Variants in BTNL3 observed in about 807,000 individuals in gnomAD.
BTNL3 encodes butyrophilin like 3, also known as butyrophilin-like protein 3.
Under a neutral mutation model 40.1 loss-of-function variants are expected in BTNL3, and 20 were observed. The observed-to-expected ratio is 0.50, with a 90% confidence interval of 0.35 to 0.72. The LOEUF (loss-of-function observed/expected upper bound fraction) is 0.72. Among genes scored for constraint, BTNL3 ranks in the 30% least tolerant of loss-of-function variants. The probability of loss-of-function intolerance (pLI) is 0.01; values close to 1 mark genes in which losing one functional copy is unlikely to be tolerated. For missense variants in BTNL3, 449 were observed against 582.2 expected (o/e 0.77, Z 2.35); for synonymous variants, 179 against 222.1 (o/e 0.81, Z 1.73).
At position 180,992,889 on chromosome 5, in the gene BTNL3, C is replaced by T; in HGVS notation, c.126C>T (p.Leu42=). The change falls in exon 2 of 8, where the codon CTC becomes CTT. Residue 42 remains leucine (L), a synonymous_variant. Transcript: ENST00000342868. ...AGGACGCCGTGTTCTCCTGCTCCCT[C>T]TTTCCTGAGACCAGTGCAGAGGCTA... ...VGEDAVFSCS[L]FPETSAEAME... 3 of 1,463,456 alleles carry T rather than the reference C, an allele frequency of 2.0e-6. 1 individual carries two copies. The highest frequency in any genetic ancestry group is 2.8e-6 in the Non-Finnish European group (3 of 1,059,000). The allele number at this position is 1,463,456 out of a possible 1,614,324, so 90.7% of individuals were successfully genotyped here. A position where few individuals can be genotyped will look rare whatever the true frequency, so the allele number is the denominator to read the frequency against.
intron 5 of BTNL3, 47 bp downstream of exon 5, chr5:181,003,923 C>T: frequency 1.2e-6 from 2 of 1,613,840 alleles, no homozygotes; most frequent in South Asian, 1.1e-5. Context: ...TCCCGGGTCC[C>T]TCCCTGATCC....
At chr5:181,002,408 T>A (rs1760131879) in intron 3 of BTNL3, among the ~76,000 whole-genome samples, 1 of 91,102 alleles carries the variant, frequency 1.1e-5, no homozygotes, top group Admixed American at 1.3e-4. Flanking sequence ...ATATATGAAA[T>A]CCAGATGGAT....
Position 181,005,884 on chromosome 5 carries a change from C to G in BTNL3, c.*12C>G. The G allele has an allele frequency of 6.3e-7, 1 of 1,576,844 alleles. No individual in the cohort carries two copies. Among genetic ancestry groups the G allele is most frequent in the South Asian group, 1.2e-5 (1 of 83,136 alleles). ...TGTCCTGGGGATGAGACAGAGAAGA[C>G]CCTGCTTAAAGGGCCCCACACCACA... On this transcript the variant is annotated 3_prime_UTR_variant, in exon 8 of 8. Coordinates refer to ENST00000342868, the MANE Select transcript of BTNL3 (RefSeq NM_197975.3).
At chr5:180,990,885 G>A (rs1255213874) in intron 1 of BTNL3, among the ~76,000 whole-genome samples, 1 of 137,382 alleles carries the variant, frequency 7.3e-6, no homozygotes, top group Non-Finnish European at 1.7e-5. Flanking sequence ...GGGTCCTTTG[G>A]AGGAACTGTA....
Position 181,005,769 on chromosome 5 carries a change from TGAC to T in BTNL3, c.1299_1301del (p.Thr434del). 6.2e-7 allele frequency: 1 copy of T among 1,614,168 alleles called. No homozygotes were observed. Among genetic ancestry groups the T allele is most frequent in the South Asian group, 1.1e-5 (1 of 91,076 alleles). Reference sequence around the variant, plus strand: ...GACCAGTCCCTTATTTATACCCTGCTGACATGTCAGTTTGAAGGCTTGTTGAGA... The same window carrying T: ...GACCAGTCCCTTATTTATACCCTGCTATGTCAGTTTGAAGGCTTGTTGAGA... On this transcript the variant is annotated inframe_deletion, in exon 8 of 8. Transcript: ENST00000342868.
Position 181,006,243 on chromosome 5 carries a change from A to C in BTNL3, c.*371A>C, listed in dbSNP as rs1760229100. Reference sequence around the variant, plus strand: ...TCACGGACAGTGATTCCTGCCTCACAGGTGAAGATTAAAGAGACAACGAAT... The same window carrying C: ...TCACGGACAGTGATTCCTGCCTCACCGGTGAAGATTAAAGAGACAACGAAT... On this transcript the variant is annotated 3_prime_UTR_variant, in exon 8 of 8. Coordinates refer to ENST00000342868, the MANE Select transcript of BTNL3 (RefSeq NM_197975.3). 1.0e-5 allele frequency: 4 copies of C among 399,998 alleles called. No homozygotes were observed. The East Asian group carries it at 1.4e-4, about 14-fold the overall frequency. The allele number at this position is 399,998 out of a possible 1,614,324, so 24.8% of individuals were successfully genotyped here.
chr5:181,003,797 T>C (rs72494581), intron 4 of BTNL3, 59 bp from the exon 5 acceptor site: 478,559 of 1,612,922 alleles, frequency 0.3, 73,848 homozygotes, highest in Non-Finnish European at 0.32. Flanking sequence ...GGAGCCAGCG[T>C]CGTGTTTGTA....
At position 181,001,227 on chromosome 5, in the gene BTNL3, G is replaced by A. The variant is rs145132168; in HGVS notation, c.674-1445G>A. ...ACACCTTTCAGATAAGAAGATGCAT[G>A]TTTTTAAAGATACCAGTTCTCCTAG... On this transcript the variant is annotated intron_variant, in intron 3 of 7. Transcript: ENST00000342868. 3.7e-3 allele frequency among the ~76,000 whole-genome samples: 513 copies of A among 137,154 alleles called. 59 individuals carry two copies. Among genetic ancestry groups the A allele is most frequent in the African/African-American group, 0.012 (479 of 39,906 alleles). 90.0% of individuals were successfully genotyped at this position (137,154 alleles called of 152,430 possible). A position where few individuals can be genotyped will look rare whatever the true frequency, so the allele number is the denominator to read the frequency against.
rs113854610 is a variant in BTNL3 at position 181,003,072 on chromosome 5, C to G, written c.787+287C>G. On this transcript the variant is annotated intron_variant, in intron 4 of 7. Transcript: ENST00000342868. ...AAGAGTTCACATAAATTTCTACCAA[C>G]AGGCTGAGTGCCGTGGCTCGTGTCT... Among the ~76,000 whole-genome samples, 263 of 136,408 alleles carry G rather than the reference C, an allele frequency of 1.9e-3. 29 individuals are homozygous for G. The highest frequency in any genetic ancestry group is 6.1e-3 in the African/African-American group (241 of 39,756). 89.5% of individuals were successfully genotyped at this position (136,408 alleles called of 152,430 possible).
Position 181,005,941 on chromosome 5 carries a change from G to T in BTNL3, c.*69G>T. ...GACACAGCCAAGGGAGAGTGCTCCC[G>T]ACAGGTGGCCCCAGCTTCCTCTCCG... On this transcript the variant is annotated 3_prime_UTR_variant, in exon 8 of 8. Transcript: ENST00000342868. 6.8e-7 allele frequency: 1 copy of T among 1,465,190 alleles called. No homozygotes were observed. The highest frequency in any genetic ancestry group is 9.1e-7 in the Non-Finnish European group (1 of 1,101,152). The allele number at this position is 1,465,190 out of a possible 1,614,324, so 90.8% of individuals were successfully genotyped here.
In BTNL3 at chr5:181,002,471, A is replaced by AATATATATATATATATATATATAT. The variant is rs56895500; in HGVS notation, c.674-190_674-167dup. 7.3e-4 allele frequency among the ~76,000 whole-genome samples: 54 copies of AATATATATATATATATATATATAT among 73,852 alleles called. 2 individuals are homozygous for AATATATATATATATATATATATAT. The highest frequency in any genetic ancestry group is 5.4e-3 in the Middle Eastern group (1 of 184). 48.4% of individuals were successfully genotyped at this position (73,852 alleles called of 152,430 possible). A position where few individuals can be genotyped will look rare whatever the true frequency, so the allele number is the denominator to read the frequency against. On this transcript the variant is annotated intron_variant, in intron 3 of 7. Transcript: ENST00000342868. ...TAACGCGCACACACACACACACGTG[A>AATATATATATATATATATATATAT]ATATATATATATATATATATATATA...
rs1760232877 is a variant in BTNL3 at position 181,006,419 on chromosome 5, T to G, written c.*547T>G. The G allele has an allele frequency of 6.3e-6, 1 of 158,472 alleles. No homozygotes were observed. The highest frequency in any genetic ancestry group is 2.4e-5 in the African/African-American group (1 of 41,770). 9.8% of individuals were successfully genotyped at this position (158,472 alleles called of 1,614,324 possible). Reference sequence around the variant, plus strand: ...ACCCATGGAATAGTTATTGAACACCTGCTTTGTGAGGCTCAAAGAATAAAG... The same window carrying G: ...ACCCATGGAATAGTTATTGAACACCGGCTTTGTGAGGCTCAAAGAATAAAG... On this transcript the variant is annotated 3_prime_UTR_variant, in exon 8 of 8. Transcript: ENST00000342868.
chr5:181,002,428 T>C (rs1424866890), intron 3 of BTNL3, among the ~76,000 whole-genome samples: 1 of 103,762 alleles, frequency 9.6e-6, no homozygotes, highest in Non-Finnish European at 2.1e-5. Flanking sequence ...TCAAGACTTA[T>C]AAAGAAATGC....
intron 3 of BTNL3, among the ~76,000 whole-genome samples, chr5:180,999,236 G>A (rs1472584979): frequency 7.3e-6 from 1 of 136,620 alleles, no homozygotes; most frequent in East Asian, 2.1e-4. Flanking sequence ...GCAAAAGAAA[G>A]TGGAAGAAAT....
At chr5:181,001,500 T>G (rs867759868) in intron 3 of BTNL3, among the ~76,000 whole-genome samples, 7 of 116,404 alleles carry the variant, frequency 6.0e-5, no homozygotes, top group South Asian at 2.6e-4. Flanking sequence ...TTTTTATAGA[T>G]GGGGGGGGGT....
In BTNL3 at chr5:180,992,415, A is replaced by G. The variant is rs1759981394; in HGVS notation, c.50-398A>G. Among the ~76,000 whole-genome samples the G allele has an allele frequency of 1.5e-5, 2 of 136,916 alleles. 1 individual carries two copies. The highest frequency in any genetic ancestry group is 3.3e-5 in the Non-Finnish European group (2 of 59,834). The allele number at this position is 136,916 out of a possible 152,430, so 89.8% of individuals were successfully genotyped here. On this transcript the variant is annotated intron_variant, in intron 1 of 7. Transcript: ENST00000342868. ...CATTAAAAAAGGTTTTTAGCATAGA[A>G]GATGCAAAGGGGGTGGTGTGAGTGT...
At position 181,005,760 on chromosome 5, in the gene BTNL3, ATACCC is replaced by A; in HGVS notation, c.1291_1295del (p.Thr431AlafsTer6). 1 of 1,614,096 alleles carries A rather than the reference ATACCC, an allele frequency of 6.2e-7. No homozygotes were observed. The highest frequency in any genetic ancestry group is 1.3e-5 in the African/African-American group (1 of 75,000). On this transcript the variant is annotated frameshift_variant, in exon 8 of 8. Coordinates refer to ENST00000342868, the MANE Select transcript of BTNL3 (RefSeq NM_197975.3). LOFTEE classifies it low-confidence loss of function (END_TRUNC). ...AATACAAATGACCAGTCCCTTATTT[ATACCC>A]TGCTGACATGTCAGTTTGAAGGCTT...
At chr5:180,994,845 G>T (rs2113078000) in intron 2 of BTNL3, among the ~76,000 whole-genome samples, 1 of 133,202 alleles carries the variant, frequency 7.5e-6, no homozygotes, top group African/African-American at 2.6e-5. Context: ...AGAGTGCAGT[G>T]GTGCAATCTC....
Position 180,989,064 on chromosome 5 carries a change from C to T in BTNL3, c.36C>T (p.Tyr12=), listed in dbSNP as rs1226150174. 20 of 1,447,210 alleles carry T rather than the reference C, an allele frequency of 1.4e-5. 4 individuals carry two copies. The highest frequency in any genetic ancestry group is 1.6e-5 in the Non-Finnish European group (17 of 1,050,576). The allele number at this position is 1,447,210 out of a possible 1,614,324, so 89.6% of individuals were successfully genotyped here. The change falls in exon 1 of 8, where the codon TAC becomes TAT. Residue 12 remains tyrosine (Y), a synonymous_variant. Coordinates refer to ENST00000342868, the MANE Select transcript of BTNL3 (RefSeq NM_197975.3). ...TGCTCATTTTGGTTCTCAGTTTCTA[C>T]GAGCTGGTGTCAGGTAAGCCTTTCA... The part of the protein sequence containing the change: ...AFVLILVLSF[Y]ELVSGQWQVT...
Sources: gnomAD v4.1 joint callset for allele counts (sites outside exome capture counted in the v4.1 genomes callset) on GRCh38, gnomAD v4.1.1 for gene constraint, MANE v1.5 for transcripts, NCBI Gene and HGNC (gene_info 2026-07-23, HGNC 2026-07-21) for gene names.